The following ACTMAP variants were observed in gnomAD, a reference collection of about 807,000 sequenced individuals.
ACTMAP encodes actin maturation protease.
chr19:40,744,189 A>T, the ACTMAP span: 1 of 1,581,104 alleles, frequency 6.3e-7, no homozygotes, highest in Non-Finnish European at 8.6e-7. Flanking sequence ...GCCTGCCCAT[A>T]TCGGCCACTG....
At chr19:40,744,142 A>G in the ACTMAP span, 2 of 1,610,896 alleles carry the variant, frequency 1.2e-6, no homozygotes, top group Admixed American at 3.4e-5. Flanking sequence ...GCCACCAGAG[A>G]GCAGCTTGGC....
At chr19:40,746,205 T>G in the ACTMAP span, among the ~76,000 whole-genome samples, 1 of 152,068 alleles carries the variant, frequency 6.6e-6, no homozygotes, top group East Asian at 1.9e-4. Flanking sequence ...GAGGGATTCA[T>G]TCCTTTTTGT....
At chr19:40,746,911 A>G in the ACTMAP span, among the ~76,000 whole-genome samples, 1 of 151,942 alleles carries the variant, frequency 6.6e-6, no homozygotes, top group African/African-American at 2.4e-5. Flanking sequence ...GGTTCAAGCA[A>G]TTCTCCTGCT....
At chr19:40,742,877 C>G in the ACTMAP span, 1 of 1,118,658 alleles carries the variant, frequency 8.9e-7, no homozygotes, top group South Asian at 1.6e-5. Context: ...GTGCAGCTGC[C>G]ATTCCTAGGT....
At chr19:40,742,374 G>A in the ACTMAP span, 16 of 1,415,004 alleles carry the variant, frequency 1.1e-5, no homozygotes, top group Non-Finnish European at 1.5e-5. Context: ...AGTGGGAGAA[G>A]TGTAGGCACA....
chr19:40,744,310 A>G, the ACTMAP span: 1 of 1,409,532 alleles, frequency 7.1e-7, no homozygotes, highest in South Asian at 1.4e-5. Flanking sequence ...CCTTGGTACA[A>G]ATGCAGAAAA....
chr19:40,746,850 G>A, the ACTMAP span, among the ~76,000 whole-genome samples: 3 of 149,536 alleles, frequency 2.0e-5, no homozygotes, highest in African/African-American at 2.5e-5. Context: ...TCTGTCGCCC[G>A]GGCTGGAGTA....
the ACTMAP span, among the ~76,000 whole-genome samples, chr19:40,748,176 T>C: frequency 3.3e-5 from 5 of 152,004 alleles, no homozygotes; most frequent in Non-Finnish European, 7.4e-5. Flanking sequence ...TATAAATGTG[T>C]CCGGAGGCCA....
chr19:40,744,673 C>T, the ACTMAP span: 2 of 1,610,284 alleles, frequency 1.2e-6, no homozygotes, highest in Non-Finnish European at 1.7e-6. Flanking sequence ...CACAAGGCCA[C>T]CAGCCCGCAT....
the ACTMAP span, among the ~76,000 whole-genome samples, chr19:40,743,234 A>AT: frequency 1.3e-3 from 185 of 138,480 alleles, 1 homozygote; most frequent in South Asian, 2.3e-3. Context: ...GCCCTGTTCT[A>AT]TTTTTTTTTT....
chr19:40,748,493 G>T, the ACTMAP span, among the ~76,000 whole-genome samples: 1 of 152,110 alleles, frequency 6.6e-6, no homozygotes, highest in Non-Finnish European at 1.5e-5. Context: ...CCCAGCCTAG[G>T]TCTGGCACTC....
At chr19:40,746,931 C>T in the ACTMAP span, among the ~76,000 whole-genome samples, 9 of 152,078 alleles carry the variant, frequency 5.9e-5, no homozygotes, top group South Asian at 4.1e-4. Flanking sequence ...TTCAGCCTCC[C>T]GAGTAGCTAG....
At chr19:40,741,969 G>C in the ACTMAP span, 1 of 440,042 alleles carries the variant, frequency 2.3e-6, no homozygotes. Flanking sequence ...GGAGTGATCC[G>C]CAGCAGAGGG....
the ACTMAP span, among the ~76,000 whole-genome samples, chr19:40,746,488 G>A: frequency 6.6e-6 from 1 of 151,970 alleles, no homozygotes; most frequent in Non-Finnish European, 1.5e-5. Context: ...CCATTCTCCT[G>A]CCTCAGCCTC....
chr19:40,744,956 A>G, the ACTMAP span: 5 of 827,108 alleles, frequency 6.0e-6, no homozygotes, highest in Non-Finnish European at 7.7e-6. Flanking sequence ...GCATGTCCCA[A>G]CTATGTTTAC....
chr19:40,745,305 GC>G, the ACTMAP span: 1 of 1,122,162 alleles, frequency 8.9e-7, no homozygotes, highest in Non-Finnish European at 1.3e-6. Context: ...GGGAATATGG[GC>G]CTGGCTGTCC....
At chr19:40,741,611 A>G in the ACTMAP span, 3 of 405,156 alleles carry the variant, frequency 7.4e-6, no homozygotes, top group Non-Finnish European at 1.5e-5. Context: ...AGTGGACAGG[A>G]AAGTTTGTGG....
the ACTMAP span, among the ~76,000 whole-genome samples, chr19:40,747,168 G>A: frequency 9.5e-4 from 144 of 152,220 alleles, no homozygotes; most frequent in African/African-American, 3.2e-3. Context: ...GGTGTTGGGG[G>A]GGTGCGGACT....
chr19:40,749,327 C>T, the ACTMAP span, among the ~76,000 whole-genome samples: 1 of 152,182 alleles, frequency 6.6e-6, no homozygotes, highest in East Asian at 1.9e-4. Context: ...TTCTTCATTG[C>T]TGGAGGCACA....
Sources: allele counts gnomAD v4.1 joint callset (sites outside exome capture counted in the v4.1 genomes callset), GRCh38; gene constraint gnomAD v4.1.1; transcripts MANE v1.5; gene names NCBI Gene and HGNC (gene_info 2026-07-23, HGNC 2026-07-21).